The following RIMS2 variants were observed in gnomAD, a reference collection of about 807,000 sequenced individuals.
RIMS2 encodes regulating synaptic membrane exocytosis 2.
Under a neutral mutation model 174.4 loss-of-function variants are expected in RIMS2, and 59 were observed. The ratio of observed to expected loss-of-function variants is 0.34; its 90% CI spans 0.27 to 0.42. RIMS2 has a LOEUF of 0.42. Ranked by LOEUF, RIMS2 falls within the 10% of genes least tolerant of loss-of-function variation. The probability of loss-of-function intolerance (pLI) is 1.00; values close to 1 mark genes in which losing one functional copy is unlikely to be tolerated. For synonymous variants in RIMS2, 606 were observed against 572.5 expected, an observed-to-expected ratio of 1.06 and a Z score of -0.84; for missense variants, 1,620 against 1,666.3, an observed-to-expected ratio of 0.97 and a Z score of 0.48.
chr8:103,909,353 A>T (rs1010811797), intron 4 of RIMS2, among the ~76,000 whole-genome samples: 3 of 152,222 alleles, frequency 2.0e-5, no homozygotes, highest in East Asian at 3.9e-4. Flanking sequence ...GCAAATAAGC[A>T]TGTAAGTTTG....
At chr8:103,757,532 AT>A (rs1222045444) in intron 2 of RIMS2, among the ~76,000 whole-genome samples, 10 of 152,208 alleles carry the variant, frequency 6.6e-5, no homozygotes, top group African/African-American at 2.4e-4. Flanking sequence ...CACTTGTGCT[AT>A]TGGGCTATAA....
At chr8:103,849,865 A>G (rs1443008856) in intron 3 of RIMS2, among the ~76,000 whole-genome samples, 1 of 152,086 alleles carries the variant, frequency 6.6e-6, no homozygotes, top group African/African-American at 2.4e-5. Context: ...GACAGATTTC[A>G]GTGTTTTACC....
chr8:104,064,000 C>G (rs1385913322), intron 19 of RIMS2, among the ~76,000 whole-genome samples: 2 of 152,064 alleles, frequency 1.3e-5, no homozygotes, highest in African/African-American at 4.8e-5. Context: ...GTAGTACATG[C>G]GTGTAGTAAA....
intron 1 of RIMS2, among the ~76,000 whole-genome samples, chr8:103,683,377 GA>G (rs2096902715): frequency 6.6e-6 from 1 of 152,110 alleles, no homozygotes; most frequent in South Asian, 2.1e-4. Flanking sequence ...ACTCTTGTGA[GA>G]ACTAATCCAT....
chr8:104,182,659 T>A (rs2098946686), intron 19 of RIMS2, among the ~76,000 whole-genome samples: 1 of 151,740 alleles, frequency 6.6e-6, no homozygotes, highest in Admixed American at 6.6e-5. Context: ...TTTGACTGGC[T>A]TCTTTCGCTT....
chr8:104,134,767 A>G (rs996533241), intron 19 of RIMS2, among the ~76,000 whole-genome samples: 4 of 152,188 alleles, frequency 2.6e-5, no homozygotes, highest in Non-Finnish European at 4.4e-5. Context: ...CAAGTTATCC[A>G]TTTGTAAACT....
intron 19 of RIMS2, among the ~76,000 whole-genome samples, chr8:104,132,333 T>G (rs2098480003): frequency 6.6e-6 from 1 of 152,196 alleles, no homozygotes; most frequent in Non-Finnish European, 1.5e-5. Context: ...TCTATTTCAT[T>G]AAGTTTACAG....
intron 3 of RIMS2, among the ~76,000 whole-genome samples, chr8:103,850,604 T>A (rs1205563379): frequency 6.6e-6 from 1 of 152,038 alleles, no homozygotes; most frequent in Non-Finnish European, 1.5e-5. Flanking sequence ...ACTGGAGCCA[T>A]CCTAATTCTA....
intron 19 of RIMS2, among the ~76,000 whole-genome samples, chr8:104,063,034 A>T (rs2097032816): frequency 6.6e-6 from 1 of 151,990 alleles, no homozygotes; most frequent in Non-Finnish European, 1.5e-5. Context: ...CTCTACTTTT[A>T]AAAAATCAGT....
At chr8:103,802,910 A>G (rs900167811) in intron 3 of RIMS2, among the ~76,000 whole-genome samples, 3 of 152,184 alleles carry the variant, frequency 2.0e-5, no homozygotes, top group Admixed American at 2.0e-4. Context: ...TTCCTATTGC[A>G]TATTTTTAAT....
intron 4 of RIMS2, among the ~76,000 whole-genome samples, chr8:103,886,747 T>C (rs1410132700): frequency 6.6e-6 from 1 of 151,812 alleles, no homozygotes; most frequent in Non-Finnish European, 1.5e-5. Context: ...TATAATTTTG[T>C]ATACTGATGC....
intron 1 of RIMS2, among the ~76,000 whole-genome samples, chr8:103,506,210 C>CA (rs1191202710): frequency 6.6e-6 from 1 of 151,968 alleles, no homozygotes; most frequent in East Asian, 1.9e-4. Context: ...AACAAGCAAA[C>CA]AAAAAATTGA....
At chr8:103,856,249 C>A (rs2099027071) in intron 3 of RIMS2, among the ~76,000 whole-genome samples, 2 of 152,136 alleles carry the variant, frequency 1.3e-5, no homozygotes, top group South Asian at 2.1e-4. Context: ...GTAAATCTTA[C>A]TACAGTGGTA....
At chr8:103,523,669 AT>A (rs1189519766) in intron 1 of RIMS2, among the ~76,000 whole-genome samples, 1 of 152,134 alleles carries the variant, frequency 6.6e-6, no homozygotes, top group African/African-American at 2.4e-5. Flanking sequence ...GAGGTGGCAG[AT>A]TTCTGCCTCA....
intron 19 of RIMS2, among the ~76,000 whole-genome samples, chr8:104,237,049 T>G (rs959718932): frequency 1.3e-5 from 2 of 152,174 alleles, no homozygotes; most frequent in Non-Finnish European, 2.9e-5. Context: ...TATTTAAAAT[T>G]ATTTCAGTGT....
chr8:104,014,626 T>A lies in RIMS2; in HGVS notation c.3334+11T>A. On this transcript the variant is annotated intron_variant, in intron 19 of 23. Transcript: ENST00000504942. ...GAACGTTGGATAGAAGTAAGTTTTA[T>A]TTCTAATTGTCTCGTTTAGGAAATA... 1.3e-6 allele frequency: 2 copies of A among 1,513,982 alleles called. No individual in the cohort carries two copies. Among genetic ancestry groups the A allele is most frequent in the Non-Finnish European group, 1.8e-6 (2 of 1,089,308 alleles). The allele number at this position is 1,513,982 out of a possible 1,614,324, so 93.8% of individuals were successfully genotyped here.
intron 1 of RIMS2, among the ~76,000 whole-genome samples, chr8:103,691,588 C>T (rs567137594): frequency 2.6e-5 from 4 of 152,210 alleles, no homozygotes; most frequent in East Asian, 1.9e-4. Flanking sequence ...ATTCCTTCTC[C>T]GTGGTATCTT....
At chr8:103,586,949 A>G (rs772965721) in intron 1 of RIMS2, among the ~76,000 whole-genome samples, 67 of 152,204 alleles carry the variant, frequency 4.4e-4, no homozygotes, top group Admixed American at 7.9e-4. Context: ...AGTGGTTACT[A>G]TGAGCTACTG....
At chr8:104,244,865 T>C (rs1216849133) in intron 19 of RIMS2, 51 bp from the exon 26 acceptor site, 1 of 1,496,464 alleles carries the variant, frequency 6.7e-7, no homozygotes. Context: ...TGATATTTCT[T>C]ACCACATAGT....
Sources: allele counts gnomAD v4.1 joint callset (sites outside exome capture counted in the v4.1 genomes callset), GRCh38; gene constraint gnomAD v4.1.1; transcripts MANE v1.5; gene names NCBI Gene and HGNC (gene_info 2026-07-23, HGNC 2026-07-21).